ZFP2: variants seen among roughly 807,000 people sequenced by gnomAD.
ZFP2 encodes ZFP2 zinc finger protein, also known as zinc finger protein ZFP2.
A neutral mutation model predicts 36.1 loss-of-function variants in ZFP2; 33 were observed. The ratio of observed to expected loss-of-function variants is 0.92; its 90% CI spans 0.69 to 1.22. The LOEUF is 1.22. Among genes scored for constraint, ZFP2 ranks in the 50% most tolerant of loss-of-function variants. The pLI, the probability that ZFP2 is intolerant of heterozygous loss-of-function variation, is 0.00. For synonymous variants in ZFP2, 170 were observed against 178.0 expected, an observed-to-expected ratio of 0.96 and a Z score of 0.36; for missense variants, 522 against 551.4, an observed-to-expected ratio of 0.95 and a Z score of 0.53.
intron 4 of ZFP2, among the ~76,000 whole-genome samples, chr5:178,927,966 G>T (rs1458818231): frequency 6.6e-6 from 1 of 151,648 alleles, no homozygotes; most frequent in African/African-American, 2.4e-5. Context: ...GGGCAAAAGG[G>T]GAGCAGGCAT....
At chr5:178,923,939 C>T (rs915101424) in intron 4 of ZFP2, among the ~76,000 whole-genome samples, 7 of 149,158 alleles carry the variant, frequency 4.7e-5, no homozygotes, top group Non-Finnish European at 7.5e-5. Flanking sequence ...GAAATACATA[C>T]ACAGAAGAAT....
chr5:178,905,943 G>A (rs1473168360), intron 1 of ZFP2, among the ~76,000 whole-genome samples: 1 of 152,062 alleles, frequency 6.6e-6, no homozygotes, highest in Non-Finnish European at 1.5e-5. Flanking sequence ...GTAGAGACAA[G>A]GTTTCGTCAT....
At position 178,900,893 on chromosome 5, in the gene ZFP2, G is replaced by A. The variant is rs868830990; in HGVS notation, c.-450+4919G>A. 4.6e-4 allele frequency among the ~76,000 whole-genome samples: 70 copies of A among 152,170 alleles called. 1 individual carries two copies. The highest frequency in any genetic ancestry group is 1.6e-3 in the African/African-American group (68 of 41,484). ...CACTGGTTTGATTTCTGTCCCTACAGTATTGCCCTTTGTAGAACTTCATGT... is the reference window on the plus strand; with the variant it reads ...CACTGGTTTGATTTCTGTCCCTACAATATTGCCCTTTGTAGAACTTCATGT... On this transcript the variant is annotated intron_variant, in intron 1 of 4. Transcript: ENST00000361362.
chr5:178,910,243 G>A (rs548395707), intron 1 of ZFP2: 38 of 1,574,716 alleles, frequency 2.4e-5, no homozygotes, highest in Admixed American at 6.7e-5. Flanking sequence ...AGCAGCACTC[G>A]GAATTCTGTG....
intron 1 of ZFP2, among the ~76,000 whole-genome samples, chr5:178,912,149 GAAAGAAAAGA>G (rs376923952): frequency 2.6e-5 from 4 of 152,130 alleles, no homozygotes; most frequent in African/African-American, 4.8e-5. Flanking sequence ...ATAGGAAAGA[GAAAGAAAAGA>G]AAAGAAAAGA....
intron 1 of ZFP2, among the ~76,000 whole-genome samples, chr5:178,905,976 C>T (rs950907712): frequency 2.0e-5 from 3 of 152,062 alleles, no homozygotes; most frequent in Non-Finnish European, 2.9e-5. Flanking sequence ...GGTCTCGAAC[C>T]CCTGAGCTCA....
intron 1 of ZFP2, among the ~76,000 whole-genome samples, chr5:178,908,175 G>A (rs765225918): frequency 6.6e-5 from 10 of 152,102 alleles, no homozygotes; most frequent in East Asian, 1.9e-4. Flanking sequence ...CTGGCTGGGC[G>A]CAGTGGCTCA....
At chr5:178,916,849 C>A in intron 4 of ZFP2, 139 bp downstream of exon 4, 1 of 578,138 alleles carries the variant, frequency 1.7e-6, no homozygotes, top group Non-Finnish European at 2.2e-6. Flanking sequence ...TCTTCCCTTG[C>A]CCTGCTGTGT....
At position 178,933,073 on chromosome 5, in the gene ZFP2, C is replaced by G. The variant is rs1407735664; in HGVS notation, c.*374C>G. ...CCTGGTATGTAGTCCTAATCTGCCA[C>G]TGCCTTGGACAACTTGCCTACTTCC... On this transcript the variant is annotated 3_prime_UTR_variant, in exon 5 of 5. Transcript: ENST00000361362. 1 of 177,320 alleles carries G rather than the reference C, an allele frequency of 5.6e-6. No homozygotes were observed. The highest frequency in any genetic ancestry group is 1.8e-4 in the East Asian group (1 of 5,624). The allele number at this position is 177,320 out of a possible 1,614,324, so 11.0% of individuals were successfully genotyped here. A position where few individuals can be genotyped will look rare whatever the true frequency, so the allele number is the denominator to read the frequency against.
chr5:178,932,242 G>A lies in ZFP2; in HGVS notation c.929G>A (p.Ser310Asn). 1 of 1,614,138 alleles carries A rather than the reference G, an allele frequency of 6.2e-7. No homozygotes were observed. Among genetic ancestry groups the A allele is most frequent in the Non-Finnish European group, 8.5e-7 (1 of 1,180,022 alleles). ...AAATGCGGGAAATCCTTTAGCCAAA[G>A]TACATATCTTATAGAACATCAGAGA... ...CNKCGKSFSQ[S>N]TYLIEHQRLH... Residue 310 changes from serine to asparagine, a missense_variant, in exon 5 of 5, where the codon AGT becomes AAT. Physicochemically the swap from Ser to Asn is conservative, Grantham distance 46. Transcript: ENST00000361362.
At chr5:178,897,492 C>T (rs571888543) in intron 1 of ZFP2, among the ~76,000 whole-genome samples, 2 of 152,272 alleles carry the variant, frequency 1.3e-5, no homozygotes, top group East Asian at 3.9e-4. Context: ...GTCTGTCCCA[C>T]GAGATTACAA....
Position 178,932,615 on chromosome 5 carries a change from A to T in ZFP2, c.1302A>T (p.Gly434=), listed in dbSNP as rs750782980. 2 of 1,614,184 alleles carry T rather than the reference A, an allele frequency of 1.2e-6. No individual in the cohort carries two copies. The highest frequency in any genetic ancestry group is 1.7e-6 in the Non-Finnish European group (2 of 1,180,024). Residue 434 remains glycine (G), a synonymous_variant, in exon 5 of 5, where the codon GGA becomes GGT. Transcript: ENST00000361362. ...CAGTGCATCAGAGAACTCATACAGGAGAGAAACCCTATCAGTGTAATGAAT... is the reference window on the plus strand; with the variant it reads ...CAGTGCATCAGAGAACTCATACAGGTGAGAAACCCTATCAGTGTAATGAAT... ...SLTVHQRTHT[G]EKPYQCNECG... is the part of the protein sequence containing the mutation.
At chr5:178,903,583 T>C (rs182797534) in intron 1 of ZFP2, among the ~76,000 whole-genome samples, 1 of 152,238 alleles carries the variant, frequency 6.6e-6, no homozygotes, top group Non-Finnish European at 1.5e-5. Flanking sequence ...GTCATGTTTC[T>C]TTTAAATTTG....
chr5:178,902,811 A>G (rs1758087011), intron 1 of ZFP2, among the ~76,000 whole-genome samples: 1 of 152,152 alleles, frequency 6.6e-6, no homozygotes, highest in South Asian at 2.1e-4. Flanking sequence ...TATTTTCCCA[A>G]TTTTTAATCC....
chr5:178,931,345 T>C lies in ZFP2; in HGVS notation c.32T>C (p.Leu11Pro). 6.2e-7 allele frequency: 1 copy of C among 1,612,106 alleles called. No individual in the cohort carries two copies. The change falls in exon 5 of 5, where the codon CTA becomes CCA. Residue 11 changes from leucine (L) to proline (P), a missense_variant. By Grantham distance (98) the Leu-to-Pro change is moderately conservative. Coordinates refer to ENST00000361362, the MANE Select transcript of ZFP2 (RefSeq NM_030613.4). ...AGGGAAGGTATCTGGCATTCTACTC[T>C]AGGGGAAACCTGGGAACCTAATAAT... MEREGIWHSTLGETWEPNNWL... is the reference protein window; with the variant it reads MEREGIWHSTPGETWEPNNWL...
chr5:178,925,972 G>A (rs1005309898), intron 4 of ZFP2, among the ~76,000 whole-genome samples: 4 of 148,576 alleles, frequency 2.7e-5, no homozygotes, highest in Admixed American at 2.0e-4. Flanking sequence ...CTCAGCCTCC[G>A]AGTAGCTGAG....
At chr5:178,899,231 A>G (rs2047355) in intron 1 of ZFP2, among the ~76,000 whole-genome samples, 2,442 of 152,276 alleles carry the variant, frequency 0.016, 68 homozygotes, top group African/African-American at 0.056. Context: ...TTCCTGAAAC[A>G]TTATTTTCTC....
At position 178,916,729 on chromosome 5, in the gene ZFP2, C is replaced by T; in HGVS notation, c.-78+19C>T. 1 of 985,386 alleles carries T rather than the reference C, an allele frequency of 1.0e-6. No homozygotes were observed. Among genetic ancestry groups the T allele is most frequent in the Non-Finnish European group, 1.2e-6 (1 of 829,860 alleles). The allele number at this position is 985,386 out of a possible 1,614,324, so 61.0% of individuals were successfully genotyped here. On this transcript the variant is annotated intron_variant, in intron 4 of 4. Coordinates refer to ENST00000361362, the MANE Select transcript of ZFP2 (RefSeq NM_030613.4). ...TCTATAGGTAAGTACTGGTACTCCT[C>T]TTACGGTGGAAGACATTGGCTCTGA...
chr5:178,908,275 T>C (rs560372276), intron 1 of ZFP2, among the ~76,000 whole-genome samples: 1,825 of 152,036 alleles, frequency 0.012, 17 homozygotes, highest in Non-Finnish European at 0.02. Context: ...GGTGAAACCC[T>C]GTCTCTACTA....
Sources: allele counts gnomAD v4.1 joint callset (sites outside exome capture counted in the v4.1 genomes callset), GRCh38; gene constraint gnomAD v4.1.1; transcripts MANE v1.5; gene names NCBI Gene and HGNC (gene_info 2026-07-23, HGNC 2026-07-21).